STYX: variants seen among roughly 807,000 people sequenced by gnomAD.
STYX encodes serine/threonine/tyrosine interacting protein, also known as serine/threonine/tyrosine-interacting protein.
A neutral mutation model predicts 42.7 loss-of-function variants in STYX; 20 were observed. The observed-to-expected ratio is 0.47, with a 90% CI of 0.33 to 0.68. The LOEUF (loss-of-function observed/expected upper bound fraction) is 0.68, where lower values mean the gene tolerates loss of function less well. Ranked by LOEUF, STYX falls within the 30% of genes least tolerant of loss-of-function variation. The pLI is 0.02. For missense variants in STYX, 226 were observed against 268.5 expected, an observed-to-expected ratio of 0.84 and a Z score of 1.11; for synonymous variants, 78 against 81.9, an observed-to-expected ratio of 0.95 and a Z score of 0.26.
At chr14:52,734,763 A>C in intron 1 of STYX, among the ~76,000 whole-genome samples, 1 of 152,184 alleles carries the variant, frequency 6.6e-6, no homozygotes, top group Non-Finnish European at 1.5e-5. Flanking sequence ...TAAGAAAAAG[A>C]AGAAGTAATT....
rs1373518332 is a variant in STYX, at chr14:52,773,016, T to A, written c.*1910T>A. 11 of 152,094 alleles carry A rather than the reference T, an allele frequency of 7.2e-5. No individual in the cohort carries two copies. Among genetic ancestry groups the A allele is most frequent in the African/African-American group, 2.2e-4 (9 of 41,400 alleles). 9.4% of individuals were successfully genotyped at this position (152,094 alleles called of 1,614,324 possible). A position where few individuals can be genotyped will look rare whatever the true frequency, so the allele number is the denominator to read the frequency against. ...TCACTATTGGGCAGGTCAGCAAAGA[T>A]CTCTTACAGTGTAATAATAATCTAT... On this transcript the variant is annotated 3_prime_UTR_variant, in exon 11 of 11. Transcript: ENST00000354586.
rs748958883 is a variant in STYX, at chr14:52,771,136, T to A, written c.*30T>A. On this transcript the variant is annotated 3_prime_UTR_variant, in exon 11 of 11. Transcript: ENST00000354586. ...AAGAGCAACATCATAGAGTGTGAAT[T>A]TCTATTTGGGAAGGAGAAAATACAA... 4.5e-6 allele frequency: 7 copies of A among 1,561,420 alleles called. No homozygotes were observed. The Admixed American group carries it at 5.5e-5, about 12-fold the overall frequency.
Position 52,772,021 on chromosome 14 carries a change from C to G in STYX, c.*915C>G, listed in dbSNP as rs1034700669. 2.0e-5 allele frequency: 3 copies of G among 152,046 alleles called. No individual in the cohort carries two copies. The highest frequency in any genetic ancestry group is 2.1e-4 in the South Asian group (1 of 4,816). 9.4% of individuals were successfully genotyped at this position (152,046 alleles called of 1,614,324 possible). On this transcript the variant is annotated 3_prime_UTR_variant, in exon 11 of 11. Transcript: ENST00000354586. ...TAAACCAATGTAGCATTATTTTTTT[C>G]TAAATGAAGCCCCAAAAAAGAAAAG... is the stretch of plus-strand genomic sequence containing the variant.
Position 52,773,340 on chromosome 14 carries a change from G to GAT in STYX, c.*2235_*2236dup, listed in dbSNP as rs1882591952. On this transcript the variant is annotated 3_prime_UTR_variant, in exon 11 of 11. Coordinates refer to ENST00000354586, the MANE Select transcript of STYX (RefSeq NM_145251.4). ...GTATATATATATATATAGATAGATA[G>GAT]ATTTTTTTTTTTTTTTGAGACAGAG... The GAT allele has an allele frequency of 1.9e-5, 1 of 53,710 alleles. No individual in the cohort carries two copies. The highest frequency in any genetic ancestry group is 4.2e-5 in the African/African-American group (1 of 23,674). 3.3% of individuals were successfully genotyped at this position (53,710 alleles called of 1,614,324 possible).
At chr14:52,759,820 G>C (rs530890101) in intron 9 of STYX, 66 bp downstream of exon 9, 1 of 1,056,492 alleles carries the variant, frequency 9.5e-7, no homozygotes, top group East Asian at 2.4e-5. Flanking sequence ...ATGTAATTTA[G>C]GTGTACAATT....
intron 5 of STYX, 64 bp downstream of exon 5, chr14:52,756,675 C>G: frequency 2.9e-5 from 2 of 67,880 alleles, no homozygotes; most frequent in Non-Finnish European, 2.7e-5. Context: ...CTTAGTTGTG[C>G]TTTTTTTTTT....
chr14:52,744,030 C>G (rs950014926), intron 1 of STYX, among the ~76,000 whole-genome samples: 1 of 152,098 alleles, frequency 6.6e-6, no homozygotes, highest in African/African-American at 2.4e-5. Context: ...CACCCTGTTT[C>G]CCAGGCTGGT....
Position 52,761,215 on chromosome 14 carries a change from C to G in STYX, c.504+1461C>G, listed in dbSNP as rs571648502. 3.3e-5 allele frequency among the ~76,000 whole-genome samples: 5 copies of G among 151,712 alleles called. No individual in the cohort carries two copies. In the South Asian group the frequency reaches 1.0e-3, roughly 32 times the overall value. On this transcript the variant is annotated intron_variant, in intron 9 of 10. Transcript: ENST00000354586. ...TGGTGATGCATGCCTGTAATCCCAG[C>G]TACTCAGGAGGCTGAGGCAGGAGAA...
intron 4 of STYX, among the ~76,000 whole-genome samples, chr14:52,755,764 C>T (rs1271345699): frequency 6.8e-6 from 1 of 148,056 alleles, no homozygotes; most frequent in Non-Finnish European, 1.5e-5. Context: ...ATAGACCATA[C>T]CTTCCGTTTT....
chr14:52,739,023 A>G (rs1469863226), intron 1 of STYX, among the ~76,000 whole-genome samples: 1 of 151,772 alleles, frequency 6.6e-6, no homozygotes, highest in Non-Finnish European at 1.5e-5. Context: ...CCCCATGCAC[A>G]TAATGAATCT....
chr14:52,739,053 A>G (rs1279165240), intron 1 of STYX, among the ~76,000 whole-genome samples: 1 of 147,466 alleles, frequency 6.8e-6, no homozygotes. Flanking sequence ...TTCTCCGTTT[A>G]GTTTATTTCA....
At position 52,730,384 on chromosome 14, in the gene STYX, C is replaced by G; in HGVS notation, c.-91C>G. The stretch of plus-strand genomic sequence containing the variant: ...TCCTGTCAGCCCTCCGCTCCGCCGG[C>G]CCTCCTTCCTTCCGCCGCCGCAGCC... On this transcript the variant is annotated 5_prime_UTR_variant, in exon 1 of 11. Transcript: ENST00000354586. 87 of 1,351,014 alleles carry G rather than the reference C, an allele frequency of 6.4e-5. No homozygotes were observed. Among genetic ancestry groups the G allele is most frequent in the Non-Finnish European group, 8.5e-5 (82 of 959,456 alleles). The allele number at this position is 1,351,014 out of a possible 1,614,324, so 83.7% of individuals were successfully genotyped here.
rs144734431 is a variant in STYX at position 52,756,551 on chromosome 14, A to G, written c.243A>G (p.Arg81=). 4.6e-6 allele frequency: 7 copies of G among 1,515,856 alleles called. No individual in the cohort carries two copies. The highest frequency in any genetic ancestry group is 5.4e-6 in the Non-Finnish European group (6 of 1,111,404). The allele number at this position is 1,515,856 out of a possible 1,614,324, so 93.9% of individuals were successfully genotyped here. A position where few individuals can be genotyped will look rare whatever the true frequency, so the allele number is the denominator to read the frequency against. The change falls in exon 5 of 11, where the codon AGA becomes AGG. Residue 81 remains arginine, a splice_region_variant and synonymous_variant. Transcript: ENST00000354586. The part of the protein sequence containing the change: ...FIKPNFQQLF[R]YLVLDIADNP... Reference sequence around the variant, plus strand: ...TTATCACAAAATACTCTATTTTCAGATATTTAGTCCTGGATATTGCAGATA... The same window carrying G: ...TTATCACAAAATACTCTATTTTCAGGTATTTAGTCCTGGATATTGCAGATA...
At chr14:52,767,071 T>TA (rs1882330630) in intron 9 of STYX, among the ~76,000 whole-genome samples, 1 of 152,138 alleles carries the variant, frequency 6.6e-6, no homozygotes, top group Non-Finnish European at 1.5e-5. Context: ...TAAGGCCATG[T>TA]AAGGAAGGTG....
chr14:52,739,984 G>A (rs574423082), intron 1 of STYX, among the ~76,000 whole-genome samples: 1 of 152,216 alleles, frequency 6.6e-6, no homozygotes, highest in African/African-American at 2.4e-5. Flanking sequence ...ACATTGGTAA[G>A]TTAAAGAATC....
At chr14:52,752,581 A>G (rs1164702847) in intron 4 of STYX, among the ~76,000 whole-genome samples, 4 of 152,232 alleles carry the variant, frequency 2.6e-5, no homozygotes, top group African/African-American at 7.2e-5. Context: ...ATAATAGAAT[A>G]CTATGTAACC....
At chr14:52,741,298 A>G (rs1246742866) in intron 1 of STYX, among the ~76,000 whole-genome samples, 2 of 150,736 alleles carry the variant, frequency 1.3e-5, no homozygotes, top group East Asian at 1.9e-4. Flanking sequence ...TATGTTTACC[A>G]TTTCATTTTA....
At chr14:52,744,526 A>G (rs1327441643) in intron 1 of STYX, among the ~76,000 whole-genome samples, 2 of 152,240 alleles carry the variant, frequency 1.3e-5, no homozygotes, top group Non-Finnish European at 2.9e-5. Flanking sequence ...AAAAAAATCT[A>G]TTGGCATCTC....
At chr14:52,753,402 G>T (rs1373141380) in intron 4 of STYX, among the ~76,000 whole-genome samples, 1 of 151,824 alleles carries the variant, frequency 6.6e-6, no homozygotes, top group African/African-American at 2.4e-5. Context: ...GGCCAGGCTG[G>T]TCTCGAACTC....
Sources: gnomAD v4.1 joint callset for allele counts (sites outside exome capture counted in the v4.1 genomes callset) on GRCh38, gnomAD v4.1.1 for gene constraint, MANE v1.5 for transcripts, NCBI Gene and HGNC (gene_info 2026-07-23, HGNC 2026-07-21) for gene names.